Variants in ETV1 observed in about 807,000 individuals in gnomAD.
ETV1 encodes the protein ETS variant transcription factor 1.
ETV1 carries 27 observed loss-of-function variants against 62.3 expected under a neutral mutation model. The ratio of observed to expected loss-of-function variants is 0.43; its 90% CI spans 0.32 to 0.60. The LOEUF is 0.60. Among genes scored for constraint, ETV1 ranks in the 20% least tolerant of loss-of-function variants. The pLI, the probability that ETV1 is intolerant of heterozygous loss-of-function variation, is 0.06. For missense variants in ETV1, 605 were observed against 605.8 expected, an observed-to-expected ratio of 1.00 and a Z score of 0.01; for synonymous variants, 222 against 199.6, an observed-to-expected ratio of 1.11 and a Z score of -0.94.
intron 9 of ETV1, 135 bp downstream of exon 9, chr7:13,931,367 C>T: frequency 1.1e-6 from 1 of 912,650 alleles, no homozygotes; most frequent in Non-Finnish European, 1.6e-6. Flanking sequence ...GATGAAGTTT[C>T]AATGAACGGA....
rs576698388 is a variant in ETV1 at position 13,981,501 on chromosome 7, TTACATACA to T, written c.182-4029_182-4022del. On this transcript the variant is annotated intron_variant, in intron 5 of 13. Coordinates refer to ENST00000430479, the MANE Select transcript of ETV1 (RefSeq NM_004956.5). ...ATTTAAATAAATGACGTTTACAAAG[TTACATACA>T]TACATACATACATACATACATACAT... Among the ~76,000 whole-genome samples the T allele has an allele frequency of 2.6e-4, 36 of 138,664 alleles. No homozygotes were observed. The South Asian group carries it at 3.3e-3, about 13-fold the overall frequency. The allele number at this position is 138,664 out of a possible 152,430, so 91.0% of individuals were successfully genotyped here. A position where few individuals can be genotyped will look rare whatever the true frequency, so the allele number is the denominator to read the frequency against.
In ETV1 at chr7:13,947,402, A is replaced by C. The variant is rs113140373; in HGVS notation, c.236-8156T>G. ...AAAACACTAACTATACAAAAAAAAAAAAAAAACAAACTCAAACACACATAA... is the reference window on the plus strand; with the variant it reads ...AAAACACTAACTATACAAAAAAAAACAAAAAACAAACTCAAACACACATAA... On this transcript the variant is annotated intron_variant, in intron 6 of 13. Coordinates refer to ENST00000430479, the MANE Select transcript of ETV1 (RefSeq NM_004956.5). 4.0e-3 allele frequency among the ~76,000 whole-genome samples: 606 copies of C among 151,908 alleles called. 6 individuals are homozygous for C. Among genetic ancestry groups the C allele is most frequent in the African/African-American group, 0.014 (569 of 41,374 alleles).
intron 12 of ETV1, 91 bp from the exon 13 acceptor site, chr7:13,900,930 C>G: frequency 1.3e-6 from 1 of 772,000 alleles, no homozygotes; most frequent in South Asian, 2.1e-5. Context: ...TCCAAACCCA[C>G]AAAAATGTCC....
intron 10 of ETV1, among the ~76,000 whole-genome samples, chr7:13,910,175 G>C (rs918922488): frequency 6.7e-6 from 1 of 150,172 alleles, no homozygotes; most frequent in South Asian, 2.1e-4. Flanking sequence ...ATATTTAGAT[G>C]GGTTAACCTT....
At chr7:13,916,865 G>C (rs1040935591) in intron 9 of ETV1, among the ~76,000 whole-genome samples, 1 of 151,490 alleles carries the variant, frequency 6.6e-6, no homozygotes, top group South Asian at 2.1e-4. Context: ...GCAGGAGGCA[G>C]AGGTTGCAGT....
intron 6 of ETV1, among the ~76,000 whole-genome samples, chr7:13,939,711 G>A (rs1309280533): frequency 6.6e-6 from 1 of 152,122 alleles, no homozygotes; most frequent in Non-Finnish European, 1.5e-5. Context: ...CAACTAGACT[G>A]GGGCAAAGAA....
intron 9 of ETV1, among the ~76,000 whole-genome samples, chr7:13,928,342 C>T (rs573527257): frequency 1.3e-5 from 2 of 152,132 alleles, no homozygotes; most frequent in African/African-American, 2.4e-5. Context: ...TCAGGCTGGG[C>T]GTGGTGGCTC....
chr7:13,981,675 G>T (rs1041088732), intron 5 of ETV1, among the ~76,000 whole-genome samples: 12 of 151,898 alleles, frequency 7.9e-5, no homozygotes, highest in African/African-American at 2.9e-4. Flanking sequence ...AAAGGGAAAA[G>T]AAAAACCATT....
At chr7:13,898,942 T>C (rs887796030) in intron 13 of ETV1, among the ~76,000 whole-genome samples, 7 of 152,196 alleles carry the variant, frequency 4.6e-5, no homozygotes, top group Admixed American at 2.6e-4. Flanking sequence ...AGATATACTT[T>C]ACATTGTGCC....
In ETV1 at chr7:13,931,490, G is replaced by T. The variant is rs781522845; in HGVS notation, c.802+12C>A. ...GTGCCTTGAATGTAATTTGCGCAGA[G>T]CGCAGGCCTACCTGAGTCATATGCA... is the stretch of plus-strand genomic sequence containing the variant. On this transcript the variant is annotated intron_variant, in intron 9 of 13. Coordinates refer to ENST00000430479, the MANE Select transcript of ETV1 (RefSeq NM_004956.5). 2 of 1,613,854 alleles carry T rather than the reference G, an allele frequency of 1.2e-6. No individual in the cohort carries two copies. The highest frequency in any genetic ancestry group is 1.7e-6 in the Non-Finnish European group (2 of 1,179,802).
At chr7:13,981,688 G>A (rs1028076296) in intron 5 of ETV1, among the ~76,000 whole-genome samples, 12 of 151,944 alleles carry the variant, frequency 7.9e-5, no homozygotes, top group East Asian at 7.8e-4. Flanking sequence ...AAACCATTAC[G>A]GAAATGCCTT....
At position 13,979,655 on chromosome 7, in the gene ETV1, A is replaced by G. The variant is rs532181201; in HGVS notation, c.182-2175T>C. ...TCCCTCAGAATTAACAGCTAAACAGATATAACTATTGAGATGCAAATATAT... is the reference window on the plus strand; with the variant it reads ...TCCCTCAGAATTAACAGCTAAACAGGTATAACTATTGAGATGCAAATATAT... On this transcript the variant is annotated intron_variant, in intron 5 of 13. Transcript: ENST00000430479. Among the ~76,000 whole-genome samples the G allele has an allele frequency of 5.9e-5, 9 of 152,292 alleles. No homozygotes were observed. In the South Asian group the frequency reaches 1.5e-3, roughly 25 times the overall value.
chr7:13,906,970 T>C (rs1783038416), intron 11 of ETV1, among the ~76,000 whole-genome samples: 1 of 152,170 alleles, frequency 6.6e-6, no homozygotes, highest in African/African-American at 2.4e-5. Context: ...TATTACCCAC[T>C]GCTCTAGGCA....
chr7:13,968,255 T>C (rs1187533545), intron 6 of ETV1, among the ~76,000 whole-genome samples: 1 of 151,788 alleles, frequency 6.6e-6, no homozygotes, highest in Non-Finnish European at 1.5e-5. Context: ...AAGGACAAAA[T>C]TAAAGAAGAA....
chr7:13,911,310 G>C lies in ETV1; in HGVS notation c.803-3C>G, dbSNP rs1337266923. On this transcript the variant is annotated splice_polypyrimidine_tract_variant and splice_region_variant and intron_variant, in intron 9 of 13. Coordinates refer to ENST00000430479, the MANE Select transcript of ETV1 (RefSeq NM_004956.5). ...AATGGAGTGGCAGCTAGGCACTTCTGAAAGAGGAAACAATATTGGTCAAAA... is the reference window on the plus strand; with the variant it reads ...AATGGAGTGGCAGCTAGGCACTTCTCAAAGAGGAAACAATATTGGTCAAAA... 6.2e-7 allele frequency: 1 copy of C among 1,607,854 alleles called. No homozygotes were observed. Among genetic ancestry groups the C allele is most frequent in the Non-Finnish European group, 8.5e-7 (1 of 1,175,218 alleles).
At chr7:13,930,764 A>G (rs1277749727) in intron 9 of ETV1, among the ~76,000 whole-genome samples, 1 of 151,674 alleles carries the variant, frequency 6.6e-6, no homozygotes, top group African/African-American at 2.4e-5. Context: ...ATTCTTACTT[A>G]CGAACACTTA....
At chr7:13,990,166 A>G (rs117221553), upstream of ETV1, among the ~76,000 whole-genome samples, 4 of 151,660 alleles carry the variant, frequency 2.6e-5, no homozygotes, top group African/African-American at 9.7e-5. Context: ...CCTCATTCCC[A>G]CTCAGCTTTT....
At chr7:13,937,007 A>C (rs1252277473) in intron 7 of ETV1, among the ~76,000 whole-genome samples, 1 of 152,100 alleles carries the variant, frequency 6.6e-6, no homozygotes, top group Non-Finnish European at 1.5e-5. Context: ...GTGCCACTGC[A>C]CTCCAGCCTG....
At chr7:13,971,396 T>A (rs184991801) in intron 6 of ETV1, among the ~76,000 whole-genome samples, 1 of 152,312 alleles carries the variant, frequency 6.6e-6, no homozygotes. Context: ...CACACAAGGG[T>A]CTGTCTGGAT....
Sources: gnomAD v4.1 joint callset for allele counts (sites outside exome capture counted in the v4.1 genomes callset) on GRCh38, gnomAD v4.1.1 for gene constraint, MANE v1.5 for transcripts, NCBI Gene and HGNC (gene_info 2026-07-23, HGNC 2026-07-21) for gene names.